Variants in ARHGAP32 observed in about 807,000 individuals in gnomAD.
ARHGAP32 encodes the protein rho GTPase-activating protein 32.
In ARHGAP32, 51 loss-of-function variants were observed where a neutral mutation model predicts 186.5. The observed-to-expected ratio is 0.27, with a 90% CI of 0.22 to 0.35. The LOEUF (loss-of-function observed/expected upper bound fraction) is 0.35. Among genes scored for constraint, ARHGAP32 ranks in the 10% least tolerant of loss-of-function variants. The probability of loss-of-function intolerance (pLI) is 1.00; values close to 1 mark genes in which losing one functional copy is unlikely to be tolerated. For synonymous variants in ARHGAP32, 950 were observed against 964.3 expected, an observed-to-expected ratio of 0.99 and a Z score of 0.27; for missense variants, 2,186 against 2,623.5, an observed-to-expected ratio of 0.83 and a Z score of 3.64.
At position 129,119,855 on chromosome 11, in the gene ARHGAP32, G is replaced by A. The variant is rs994618973; in HGVS notation, c.444+3591C>T. ...CCCTGAGAAGGGGGTGAGCATACTG[G>A]CAGAAAACAAAGAGGCTACTGTGGC... On this transcript the variant is annotated intron_variant, in intron 5 of 22. Transcript: ENST00000682385. 5.9e-5 allele frequency among the ~76,000 whole-genome samples: 9 copies of A among 152,034 alleles called. No individual in the cohort carries two copies. In the South Asian group the frequency reaches 8.3e-4, roughly 14 times the overall value.
At chr11:129,130,545 T>C (rs1212520616) in intron 2 of ARHGAP32, among the ~76,000 whole-genome samples, 1 of 146,366 alleles carries the variant, frequency 6.8e-6, no homozygotes, top group Non-Finnish European at 1.5e-5. Context: ...ATTTTTAAAC[T>C]TGCAAAAAAA....
chr11:128,993,223 A>T (rs1444853969), intron 12 of ARHGAP32: 3 of 152,170 alleles, frequency 2.0e-5, no homozygotes, highest in East Asian at 1.9e-4. Flanking sequence ...AACAAAATTT[A>T]AAAAAAATTT....
At chr11:129,049,002 T>C (rs1261081941) in intron 10 of ARHGAP32, among the ~76,000 whole-genome samples, 1 of 151,578 alleles carries the variant, frequency 6.6e-6, no homozygotes, top group Admixed American at 6.6e-5. Flanking sequence ...GACTGGTAAG[T>C]GAGAATAAAG....
intron 5 of ARHGAP32, among the ~76,000 whole-genome samples, chr11:129,096,631 G>A (rs138950171): frequency 6.6e-6 from 1 of 150,940 alleles, no homozygotes; most frequent in Non-Finnish European, 1.5e-5. Flanking sequence ...AAAGAACACT[G>A]CCTCCAAATT....
chr11:129,243,329 A>G (rs1346886097), intron 1 of ARHGAP32, among the ~76,000 whole-genome samples: 1 of 152,198 alleles, frequency 6.6e-6, no homozygotes, highest in South Asian at 2.1e-4. Flanking sequence ...TCTACCTCTC[A>G]TTCCCAGAAA....
intron 1 of ARHGAP32, among the ~76,000 whole-genome samples, chr11:129,208,299 A>C (rs1327744432): frequency 6.6e-6 from 1 of 152,188 alleles, no homozygotes; most frequent in Non-Finnish European, 1.5e-5. Flanking sequence ...TAACTGTAAC[A>C]GGCTGCACAC....
intron 5 of ARHGAP32, among the ~76,000 whole-genome samples, chr11:129,100,003 A>G (rs899390954): frequency 6.6e-6 from 1 of 152,176 alleles, no homozygotes; most frequent in East Asian, 1.9e-4. Context: ...ACTGGCAAGG[A>G]GCAACCTGCA....
chr11:129,270,564 G>A (rs576349057), intron 1 of ARHGAP32, among the ~76,000 whole-genome samples: 78 of 151,648 alleles, frequency 5.1e-4, no homozygotes, highest in Non-Finnish European at 9.4e-4. Context: ...TATGGACTTC[G>A]GGTGATAATG....
intron 2 of ARHGAP32, among the ~76,000 whole-genome samples, chr11:129,141,310 T>C (rs924285725): frequency 6.6e-6 from 1 of 151,024 alleles, no homozygotes; most frequent in Admixed American, 6.6e-5. Flanking sequence ...GATGAGTTCA[T>C]GTCCTTTGTA....
At chr11:129,068,656 T>C (rs1453140221) in intron 6 of ARHGAP32, among the ~76,000 whole-genome samples, 2 of 152,098 alleles carry the variant, frequency 1.3e-5, no homozygotes, top group African/African-American at 4.8e-5. Context: ...GAGTGAAGCT[T>C]AGCATCTTTT....
chr11:129,063,870 C>A, intron 9 of ARHGAP32, 32 bp downstream of exon 9: 1 of 1,577,406 alleles, frequency 6.3e-7, no homozygotes, highest in Non-Finnish European at 8.6e-7. Flanking sequence ...TTAGCAAGAA[C>A]CAAATAACAA....
intron 1 of ARHGAP32, among the ~76,000 whole-genome samples, chr11:129,216,320 AT>A (rs1281581517): frequency 6.6e-6 from 1 of 152,092 alleles, no homozygotes; most frequent in African/African-American, 2.4e-5. Context: ...TGAAAAATAT[AT>A]TTTGATATTC....
At chr11:129,178,714 T>C (rs1406264750) in intron 1 of ARHGAP32, among the ~76,000 whole-genome samples, 2 of 152,126 alleles carry the variant, frequency 1.3e-5, no homozygotes, top group Admixed American at 1.3e-4. Flanking sequence ...ATTTAGTAAA[T>C]GGTGCTGGGA....
intron 10 of ARHGAP32, among the ~76,000 whole-genome samples, chr11:129,061,700 G>A (rs1302011920): frequency 6.6e-6 from 1 of 152,060 alleles, no homozygotes; most frequent in Non-Finnish European, 1.5e-5. Context: ...ACACTACTCA[G>A]AACAGCATGC....
At chr11:129,278,247 T>C (rs1174605806) in intron 1 of ARHGAP32, among the ~76,000 whole-genome samples, 2 of 152,268 alleles carry the variant, frequency 1.3e-5, no homozygotes, top group African/African-American at 4.8e-5. Flanking sequence ...GCTAGCCATG[T>C]AGCATCACGC....
intron 1 of ARHGAP32, among the ~76,000 whole-genome samples, chr11:129,172,858 T>G (rs187045828): frequency 1.3e-5 from 2 of 151,606 alleles, no homozygotes; most frequent in Admixed American, 1.3e-4. Context: ...AGATCTCAAA[T>G]GGACACCCGA....
intron 1 of ARHGAP32, among the ~76,000 whole-genome samples, chr11:129,252,541 T>C (rs1945198966): frequency 6.6e-6 from 1 of 152,190 alleles, no homozygotes; most frequent in Non-Finnish European, 1.5e-5. Flanking sequence ...CAGTAAAGCA[T>C]CAATAGAAGC....
At chr11:129,031,475 G>T (rs908497753) in intron 11 of ARHGAP32, among the ~76,000 whole-genome samples, 1 of 152,138 alleles carries the variant, frequency 6.6e-6, no homozygotes, top group African/African-American at 2.4e-5. Flanking sequence ...TTTCACACAG[G>T]TATATAAATT....
At chr11:128,989,336 TGATTTTCAGA>T (rs1945969317) in intron 12 of ARHGAP32, among the ~76,000 whole-genome samples, 1 of 152,104 alleles carries the variant, frequency 6.6e-6, no homozygotes, top group South Asian at 2.1e-4. Context: ...GCATACTCTC[TGATTTTCAGA>T]GATATCCTAC....
Sources: gnomAD v4.1 joint callset for allele counts (sites outside exome capture counted in the v4.1 genomes callset) on GRCh38, gnomAD v4.1.1 for gene constraint, MANE v1.5 for transcripts, NCBI Gene and HGNC (gene_info 2026-07-23, HGNC 2026-07-21) for gene names.